Variants in PALLD observed in about 807,000 individuals in gnomAD.
The protein encoded by PALLD is palladin, cytoskeletal associated protein, also known as palladin.
A neutral mutation model predicts 123.5 loss-of-function variants in PALLD; 61 were observed. The ratio of observed to expected loss-of-function variants is 0.49; its 90% CI spans 0.40 to 0.61. PALLD has a LOEUF of 0.61. Among genes scored for constraint, PALLD ranks in the 20% least tolerant of loss-of-function variants. The pLI, the probability that PALLD is intolerant of heterozygous loss-of-function variation, is 0.00. For missense variants in PALLD, 1,273 were observed against 1,377.0 expected (o/e 0.92, Z 1.20); for synonymous variants, 465 against 496.4 (o/e 0.94, Z 0.84).
chr4:168,523,253 A>AAGGAAGGAGGAAGGG (rs1469941805), intron 2 of PALLD, among the ~76,000 whole-genome samples: 1 of 140,638 alleles, frequency 7.1e-6, no homozygotes, highest in East Asian at 2.3e-4. Flanking sequence ...AGGGGAGGGT[A>AAGGAAGGAGGAAGGG]AGGAAGGAGG....
chr4:168,497,091 A>G lies in PALLD; in HGVS notation c.-186A>G, dbSNP rs752613470. The G allele has an allele frequency of 6.6e-6, 1 of 152,174 alleles. No individual in the cohort carries two copies. The highest frequency in any genetic ancestry group is 1.5e-5 in the Non-Finnish European group (1 of 68,048). The allele number at this position is 152,174 out of a possible 1,614,324, so 9.4% of individuals were successfully genotyped here. ...GTGACCACGGACCAGGCAGTCTCTAATGAATAGGCAAGGCCACAACCTCCA... is the reference window on the plus strand; with the variant it reads ...GTGACCACGGACCAGGCAGTCTCTAGTGAATAGGCAAGGCCACAACCTCCA... On this transcript the variant is annotated 5_prime_UTR_variant, in exon 1 of 22. An upstream start codon of the reference 5' UTR is lost. Transcript: ENST00000505667.
At chr4:168,710,994 AAAG>A (rs1784784846) in intron 9 of PALLD, among the ~76,000 whole-genome samples, 2 of 152,212 alleles carry the variant, frequency 1.3e-5, no homozygotes. Context: ...AGAATCTAAA[AAAG>A]ACGTGATCTC....
chr4:168,573,864 A>G (rs771050133), intron 2 of PALLD, among the ~76,000 whole-genome samples: 9 of 151,976 alleles, frequency 5.9e-5, no homozygotes, highest in Non-Finnish European at 8.8e-5. Context: ...CTTGATCACT[A>G]TGTTCATTTA....
intron 2 of PALLD, among the ~76,000 whole-genome samples, chr4:168,625,979 G>C (rs1026182116): frequency 6.6e-6 from 1 of 152,134 alleles, no homozygotes; most frequent in African/African-American, 2.4e-5. Flanking sequence ...TCTACTGTTG[G>C]GCTAATAGAT....
intron 10 of PALLD, among the ~76,000 whole-genome samples, chr4:168,833,471 G>T (rs895855257): frequency 6.6e-5 from 10 of 152,268 alleles, no homozygotes; most frequent in African/African-American, 2.4e-4. Flanking sequence ...AAACTAGCAC[G>T]AGAAAAGGAC....
chr4:168,694,109 G>A (rs1184881740), intron 8 of PALLD, among the ~76,000 whole-genome samples: 3 of 152,164 alleles, frequency 2.0e-5, no homozygotes, highest in Non-Finnish European at 4.4e-5. Flanking sequence ...AAATATGACT[G>A]TTTACCTTCT....
At chr4:168,528,581 G>A (rs1389482265) in intron 2 of PALLD, among the ~76,000 whole-genome samples, 1 of 152,102 alleles carries the variant, frequency 6.6e-6, no homozygotes, top group African/African-American at 2.4e-5. Flanking sequence ...GTTATTACGT[G>A]TTTTAGATGT....
At chr4:168,509,611 T>A (rs1245596513) in intron 1 of PALLD, among the ~76,000 whole-genome samples, 1 of 152,130 alleles carries the variant, frequency 6.6e-6, no homozygotes, top group Non-Finnish European at 1.5e-5. Context: ...TTTGGGTTAG[T>A]AAAGTCAGGG....
Position 168,918,325 on chromosome 4 carries a change from G to GAGAGAT in PALLD, c.2850+2299_2850+2300insGAGATA, listed in dbSNP as rs1553981956. ...AGATGAATGAATAAAGAAAATATGAGATATATATATATATACATACATACA... is the reference window on the plus strand; with the variant it reads ...AGATGAATGAATAAAGAAAATATGAGAGAGATATATATATATATATACATACATACA... On this transcript the variant is annotated intron_variant, in intron 17 of 21. Transcript: ENST00000505667. Among the ~76,000 whole-genome samples the GAGAGAT allele has an allele frequency of 1.7e-3, 251 of 149,558 alleles. 2 individuals carry two copies. The highest frequency in any genetic ancestry group is 5.9e-3 in the African/African-American group (243 of 41,010).
At chr4:168,562,803 C>A (rs1767994299) in intron 2 of PALLD, among the ~76,000 whole-genome samples, 1 of 152,066 alleles carries the variant, frequency 6.6e-6, no homozygotes, top group Admixed American at 6.5e-5. Context: ...AGGAGGTTGG[C>A]CCTCATTCTA....
chr4:168,700,276 A>C (rs1438786646), intron 8 of PALLD: 1 of 154,180 alleles, frequency 6.5e-6, no homozygotes, highest in East Asian at 1.9e-4. Context: ...TCTAGCAAAA[A>C]TTGCTGTGAC....
intron 10 of PALLD, among the ~76,000 whole-genome samples, chr4:168,831,151 T>C (rs1386714169): frequency 1.3e-5 from 2 of 152,230 alleles, no homozygotes; most frequent in Admixed American, 1.3e-4. Flanking sequence ...GCCAGGGGTG[T>C]CCTTAGCTGA....
At chr4:168,722,840 G>A (rs1346224658) in intron 10 of PALLD, among the ~76,000 whole-genome samples, 1 of 152,146 alleles carries the variant, frequency 6.6e-6, no homozygotes, top group Admixed American at 6.6e-5. Context: ...GAGATTATCA[G>A]CCAAGCCGTG....
At chr4:168,884,089 T>C (rs73864661) in intron 10 of PALLD, among the ~76,000 whole-genome samples, 3,830 of 152,178 alleles carry the variant, frequency 0.025, 163 homozygotes, top group African/African-American at 0.088. Flanking sequence ...ATAGCATTAG[T>C]TTTATAGGAA....
At chr4:168,600,408 T>C (rs962606347) in intron 2 of PALLD, among the ~76,000 whole-genome samples, 2 of 152,232 alleles carry the variant, frequency 1.3e-5, no homozygotes, top group Non-Finnish European at 2.9e-5. Context: ...TAAAAAATTA[T>C]AGCTGCTGCT....
Position 168,539,637 on chromosome 4 carries a change from G to C in PALLD, c.908+27225G>C, listed in dbSNP as rs1561224646. ...TAAAGATGCTTTGGAAAACCTAAAG[G>C]TTGTGCAAAGGCCTCTCACAATTTC... On this transcript the variant is annotated intron_variant, in intron 2 of 21. Transcript: ENST00000505667. Among the ~76,000 whole-genome samples the C allele has an allele frequency of 2.0e-5, 3 of 151,546 alleles. No individual in the cohort carries two copies. In the South Asian group the frequency reaches 6.3e-4, roughly 32 times the overall value.
chr4:168,785,272 G>A (rs574280507), intron 10 of PALLD, among the ~76,000 whole-genome samples: 10 of 151,940 alleles, frequency 6.6e-5, no homozygotes, highest in Non-Finnish European at 1.2e-4. Flanking sequence ...GTGTGAATGC[G>A]GAGTTTAAGG....
intron 10 of PALLD, among the ~76,000 whole-genome samples, chr4:168,852,103 C>T (rs1429954189): frequency 6.6e-6 from 1 of 152,188 alleles, no homozygotes; most frequent in Non-Finnish European, 1.5e-5. Flanking sequence ...GTAGCACACC[C>T]CTTGCCCCAT....
intron 10 of PALLD, among the ~76,000 whole-genome samples, chr4:168,803,748 C>G (rs538601348): frequency 5.9e-4 from 90 of 152,096 alleles, no homozygotes; most frequent in African/African-American, 2.0e-3. Flanking sequence ...TTTTGGCTCT[C>G]TCATGCGCAG....
Sources: gnomAD v4.1 joint callset for allele counts (sites outside exome capture counted in the v4.1 genomes callset) on GRCh38, gnomAD v4.1.1 for gene constraint, MANE v1.5 for transcripts, NCBI Gene and HGNC (gene_info 2026-07-23, HGNC 2026-07-21) for gene names.